The following EPHA6 variants were observed in gnomAD, a reference collection of about 807,000 sequenced individuals.
EPHA6 encodes EPH receptor A6.
EPHA6 carries 50 observed loss-of-function variants against 112.0 expected under a neutral mutation model. The observed-to-expected ratio is 0.45, with a 90% confidence interval of 0.36 to 0.56. The LOEUF (loss-of-function observed/expected upper bound fraction) is 0.56, where lower values mean the gene tolerates loss of function less well. EPHA6 is among the 20% of genes least tolerant of loss of function. The probability of loss-of-function intolerance (pLI) is 0.00; values close to 1 mark genes in which losing one functional copy is unlikely to be tolerated. For synonymous variants in EPHA6, 529 were observed against 490.7 expected (o/e 1.08, Z -1.03); for missense variants, 1,280 against 1,417.4 (o/e 0.90, Z 1.56).
rs539185229 is a variant in EPHA6, at chr3:97,353,095, C to T, written c.1607-52055C>T. ...GGAAGGACCCAGTCCTGGTGGGATT[C>T]ATCACCTGACTAAAGGGCCACTGGA... On this transcript the variant is annotated intron_variant, in intron 5 of 17. Coordinates refer to ENST00000389672, the MANE Select transcript of EPHA6 (RefSeq NM_001080448.3). Among the ~76,000 whole-genome samples, 23 of 152,116 alleles carry T rather than the reference C, an allele frequency of 1.5e-4. 1 individual carries two copies. In the South Asian group the frequency reaches 4.6e-3, roughly 30 times the overall value.
At chr3:97,369,805 T>C (rs1188031217) in intron 5 of EPHA6, among the ~76,000 whole-genome samples, 2 of 152,180 alleles carry the variant, frequency 1.3e-5, no homozygotes, top group African/African-American at 2.4e-5. Context: ...TCTAGACTTA[T>C]AGCTCCAGTT....
intron 6 of EPHA6, among the ~76,000 whole-genome samples, chr3:97,445,677 A>G (rs1297783155): frequency 6.6e-6 from 1 of 151,962 alleles, no homozygotes; most frequent in Non-Finnish European, 1.5e-5. Context: ...AATTTATAGT[A>G]AGAACAGATA....
At chr3:96,874,821 C>T (rs777046542) in intron 2 of EPHA6, among the ~76,000 whole-genome samples, 11 of 151,904 alleles carry the variant, frequency 7.2e-5, no homozygotes, top group East Asian at 1.9e-4. Flanking sequence ...AAACATCTGC[C>T]GTAAAGACAC....
At chr3:97,377,892 A>G (rs2085462439) in intron 5 of EPHA6, among the ~76,000 whole-genome samples, 1 of 152,138 alleles carries the variant, frequency 6.6e-6, no homozygotes, top group South Asian at 2.1e-4. Flanking sequence ...AGAGAGCATA[A>G]AAGTTTGGAA....
chr3:97,348,612 A>T (rs1228569672), intron 5 of EPHA6, among the ~76,000 whole-genome samples: 1 of 152,102 alleles, frequency 6.6e-6, no homozygotes, highest in Non-Finnish European at 1.5e-5. Flanking sequence ...TAACTAGGCT[A>T]GGTGAGCACA....
At chr3:96,946,791 A>G (rs1394923841) in intron 2 of EPHA6, among the ~76,000 whole-genome samples, 1 of 152,308 alleles carries the variant, frequency 6.6e-6, no homozygotes, top group Non-Finnish European at 1.5e-5. Flanking sequence ...AGACCCACCA[A>G]CAGTGTAAAA....
chr3:96,953,876 A>AC (rs1214723146), intron 2 of EPHA6, among the ~76,000 whole-genome samples: 1 of 148,456 alleles, frequency 6.7e-6, no homozygotes, highest in African/African-American at 2.5e-5. Context: ...TATTTCAATA[A>AC]CTTTTTTTTT....
At chr3:97,504,363 C>T (rs1404610363) in intron 10 of EPHA6, among the ~76,000 whole-genome samples, 1 of 152,014 alleles carries the variant, frequency 6.6e-6, no homozygotes, top group African/African-American at 2.4e-5. Context: ...AAGTGGTTGC[C>T]GTTTTTACAG....
intron 1 of EPHA6, among the ~76,000 whole-genome samples, chr3:96,829,414 G>A (rs570287320): frequency 6.6e-6 from 1 of 152,098 alleles, no homozygotes; most frequent in South Asian, 2.1e-4. Flanking sequence ...TTGAACTCCA[G>A]ACAGTTTAGT....
chr3:97,733,430 C>T (rs1046692383), intron 15 of EPHA6, among the ~76,000 whole-genome samples: 2 of 152,188 alleles, frequency 1.3e-5, no homozygotes, highest in African/African-American at 2.4e-5. Context: ...ACTTCAAATG[C>T]CATCATGCTT....
intron 14 of EPHA6, among the ~76,000 whole-genome samples, chr3:97,682,075 T>C (rs1387117650): frequency 1.3e-5 from 2 of 152,132 alleles, no homozygotes; most frequent in Non-Finnish European, 2.9e-5. Context: ...ACACAGTGAC[T>C]TTTAGAAGCT....
intron 13 of EPHA6, among the ~76,000 whole-genome samples, chr3:97,626,958 G>C (rs1362367112): frequency 6.6e-6 from 1 of 151,826 alleles, no homozygotes; most frequent in Non-Finnish European, 1.5e-5. Flanking sequence ...ATAAAGATGA[G>C]ATTAATATAC....
At chr3:97,245,537 A>T (rs2078963633) in intron 5 of EPHA6, among the ~76,000 whole-genome samples, 1 of 152,054 alleles carries the variant, frequency 6.6e-6, no homozygotes, top group Non-Finnish European at 1.5e-5. Flanking sequence ...AAAATAAAAT[A>T]CATTGATTTG....
chr3:96,970,137 C>T (rs1417922203), intron 2 of EPHA6, among the ~76,000 whole-genome samples: 1 of 151,752 alleles, frequency 6.6e-6, no homozygotes, highest in East Asian at 1.9e-4. Flanking sequence ...TTAAAGGATA[C>T]TTCCTAAGCA....
intron 10 of EPHA6, among the ~76,000 whole-genome samples, chr3:97,528,479 T>C (rs1275265881): frequency 6.6e-6 from 1 of 152,030 alleles, no homozygotes; most frequent in Non-Finnish European, 1.5e-5. Flanking sequence ...AGACAACCTG[T>C]GGGAGAGCAT....
chr3:97,452,104 C>G (rs546423587), intron 7 of EPHA6, among the ~76,000 whole-genome samples: 2 of 151,976 alleles, frequency 1.3e-5, no homozygotes, highest in East Asian at 3.9e-4. Flanking sequence ...TCTTGACTGG[C>G]TACTTGTGCT....
chr3:96,905,693 A>G (rs1475472579), intron 2 of EPHA6, among the ~76,000 whole-genome samples: 1 of 151,842 alleles, frequency 6.6e-6, no homozygotes, highest in Non-Finnish European at 1.5e-5. Context: ...GGAGACTATT[A>G]ATTATTCTCA....
chr3:97,533,547 G>T (rs570958809), intron 11 of EPHA6, among the ~76,000 whole-genome samples: 1 of 152,192 alleles, frequency 6.6e-6, no homozygotes, highest in Non-Finnish European at 1.5e-5. Context: ...TATTACTTTA[G>T]TGGCCTTAAT....
intron 5 of EPHA6, among the ~76,000 whole-genome samples, chr3:97,253,631 G>A (rs1408908355): frequency 6.6e-6 from 1 of 151,990 alleles, no homozygotes; most frequent in Non-Finnish European, 1.5e-5. Context: ...TTATTCCAAG[G>A]ATGATAGATA....
Sources: allele counts gnomAD v4.1 joint callset (sites outside exome capture counted in the v4.1 genomes callset), GRCh38; gene constraint gnomAD v4.1.1; transcripts MANE v1.5; gene names NCBI Gene and HGNC (gene_info 2026-07-23, HGNC 2026-07-21).